Variants in CCDC171 observed in about 807,000 individuals in gnomAD.
CCDC171 encodes the protein coiled-coil domain-containing protein 171.
A neutral mutation model predicts 168.2 loss-of-function variants in CCDC171; 177 were observed. That is an observed-to-expected ratio of 1.05 (90% confidence interval 0.93 to 1.19). The LOEUF is 1.19. CCDC171 is among the 50% of genes most tolerant of loss of function. The probability of loss-of-function intolerance (pLI) is 0.00; values close to 1 mark genes in which losing one functional copy is unlikely to be tolerated. For missense variants in CCDC171, 1,991 were observed against 1,539.0 expected (o/e 1.29, Z -4.91); for synonymous variants, 687 against 540.8 (o/e 1.27, Z -3.75).
chr9:15,943,070 T>C (rs1020225543), intron 25 of CCDC171, among the ~76,000 whole-genome samples: 4 of 151,960 alleles, frequency 2.6e-5, no homozygotes, highest in Non-Finnish European at 4.4e-5. Context: ...ATGTTACTTT[T>C]CCCTTTGAAG....
At chr9:16,050,782 T>G (rs1586862230) in intron 1 of CCDC171, among the ~76,000 whole-genome samples, 1 of 152,252 alleles carries the variant, frequency 6.6e-6, no homozygotes, top group East Asian at 1.9e-4. Flanking sequence ...TCACAAGATC[T>G]GGGCTCTTGA....
chr9:15,814,174 A>G (rs553725106), intron 21 of CCDC171, among the ~76,000 whole-genome samples: 3 of 152,334 alleles, frequency 2.0e-5, no homozygotes, highest in East Asian at 3.9e-4. Flanking sequence ...ATTTCCCAGA[A>G]TATTTTTGGT....
chr9:15,775,418 A>G (rs1177070410), intron 18 of CCDC171, among the ~76,000 whole-genome samples: 1 of 152,194 alleles, frequency 6.6e-6, no homozygotes, highest in Non-Finnish European at 1.5e-5. Context: ...TCCCGAGTTC[A>G]AGGGATTCTC....
intron 21 of CCDC171, among the ~76,000 whole-genome samples, chr9:15,829,394 G>C (rs2060140009): frequency 1.3e-5 from 2 of 152,156 alleles, no homozygotes; most frequent in African/African-American, 2.4e-5. Context: ...ACTTAAATGT[G>C]TCTAAAATGA....
In CCDC171 at chr9:15,630,819, G is replaced by C. The variant is rs983553812; in HGVS notation, c.822+7406G>C. 5.3e-5 allele frequency among the ~76,000 whole-genome samples: 8 copies of C among 152,290 alleles called. No homozygotes were observed. In the East Asian group the frequency reaches 9.6e-4, roughly 18 times the overall value. ...AAAAGATGAGAAATTATAACAAACT[G>C]TCTCTCAGACCACAGTGCAATCAAA... On this transcript the variant is annotated intron_variant, in intron 7 of 25. Transcript: ENST00000380701.
At chr9:15,716,123 T>G (rs1448672219) in intron 11 of CCDC171, among the ~76,000 whole-genome samples, 3 of 152,128 alleles carry the variant, frequency 2.0e-5, no homozygotes, top group Non-Finnish European at 2.9e-5. Flanking sequence ...CCTGGTAACC[T>G]CCATTCTACT....
chr9:15,602,742 C>T (rs2042954094), intron 6 of CCDC171, among the ~76,000 whole-genome samples: 2 of 147,804 alleles, frequency 1.4e-5, no homozygotes, highest in African/African-American at 5.0e-5. Context: ...TGCAACCTCT[C>T]CGCCTCCCGG....
intron 2 of CCDC171, among the ~76,000 whole-genome samples, chr9:15,568,210 G>A (rs1438988141): frequency 2.0e-5 from 3 of 150,720 alleles, no homozygotes; most frequent in Non-Finnish European, 3.0e-5. Flanking sequence ...TTTCCAGTAT[G>A]CATGCCTTTT....
chr9:15,669,135 A>G (rs1017557212), intron 9 of CCDC171, among the ~76,000 whole-genome samples: 1 of 152,100 alleles, frequency 6.6e-6, no homozygotes, highest in Non-Finnish European at 1.5e-5. Context: ...AGCTGTGTGT[A>G]TATTGCAGAG....
intron 1 of CCDC171, among the ~76,000 whole-genome samples, chr9:16,057,667 G>A (rs577187908): frequency 1.3e-5 from 2 of 152,234 alleles, no homozygotes; most frequent in East Asian, 1.9e-4. Flanking sequence ...CAGCCCCAAA[G>A]CCCCCTCCCG....
intron 7 of CCDC171, among the ~76,000 whole-genome samples, chr9:15,638,751 C>G (rs1476875596): frequency 6.6e-6 from 1 of 151,360 alleles, no homozygotes; most frequent in African/African-American, 2.4e-5. Flanking sequence ...TGGATCAATG[C>G]TTTCTTAGAT....
intron 14 of CCDC171, among the ~76,000 whole-genome samples, chr9:15,726,980 CAT>C (rs1415700663): frequency 6.6e-6 from 1 of 152,108 alleles, no homozygotes; most frequent in East Asian, 1.9e-4. Context: ...AAACCCTCCT[CAT>C]GTGTTCAAAT....
intron 3 of CCDC171, among the ~76,000 whole-genome samples, chr9:15,992,853 A>T (rs1475137023): frequency 6.6e-6 from 1 of 152,198 alleles, no homozygotes; most frequent in Non-Finnish European, 1.5e-5. Flanking sequence ...AATTGCTTCA[A>T]AGAGAATAAA....
intron 10 of CCDC171, among the ~76,000 whole-genome samples, chr9:15,690,302 A>T (rs1244743441): frequency 6.6e-6 from 1 of 152,212 alleles, no homozygotes; most frequent in African/African-American, 2.4e-5. Flanking sequence ...AAAAATATAA[A>T]GTTACCACAA....
At chr9:15,678,473 C>T (rs1408091449) in intron 9 of CCDC171, among the ~76,000 whole-genome samples, 1 of 152,066 alleles carries the variant, frequency 6.6e-6, no homozygotes, top group African/African-American at 2.4e-5. Flanking sequence ...GTGGGTTTTG[C>T]TCGTCAAAAA....
intron 16 of CCDC171, among the ~76,000 whole-genome samples, chr9:15,733,615 C>G (rs2054289614): frequency 6.6e-6 from 1 of 151,214 alleles, no homozygotes; most frequent in Non-Finnish European, 1.5e-5. Flanking sequence ...ACTTTCTTGT[C>G]TGTTCCATTT....
At chr9:15,634,259 G>T (rs930819411) in intron 7 of CCDC171, among the ~76,000 whole-genome samples, 6 of 151,824 alleles carry the variant, frequency 4.0e-5, no homozygotes, top group Non-Finnish European at 1.5e-5. Flanking sequence ...AAAAATTAAA[G>T]ATATAATTTG....
At chr9:15,910,823 T>A (rs1400368928) in intron 24 of CCDC171, among the ~76,000 whole-genome samples, 1 of 152,122 alleles carries the variant, frequency 6.6e-6, no homozygotes, top group Non-Finnish European at 1.5e-5. Flanking sequence ...TGTGATAGTT[T>A]GTTGAGAATG....
At chr9:15,656,833 G>A (rs1041345613) in intron 7 of CCDC171, among the ~76,000 whole-genome samples, 2 of 151,826 alleles carry the variant, frequency 1.3e-5, no homozygotes, top group African/African-American at 2.4e-5. Context: ...GTGATTTAAT[G>A]GATGTGTACG....
Sources: gnomAD v4.1 joint callset for allele counts (sites outside exome capture counted in the v4.1 genomes callset) on GRCh38, gnomAD v4.1.1 for gene constraint, MANE v1.5 for transcripts, NCBI Gene and HGNC (gene_info 2026-07-23, HGNC 2026-07-21) for gene names.